Variants in FAM110B observed in about 807,000 individuals in gnomAD.
FAM110B encodes protein FAM110B.
Under a neutral mutation model 20.4 loss-of-function variants are expected in FAM110B, and 6 were observed. That is an observed-to-expected ratio of 0.29 (90% CI 0.16 to 0.58). The LOEUF (loss-of-function observed/expected upper bound fraction) is 0.58, where lower values mean the gene tolerates loss of function less well. Ranked by LOEUF, FAM110B falls within the 20% of genes least tolerant of loss-of-function variation. The pLI, the probability that FAM110B is intolerant of heterozygous loss-of-function variation, is 0.90. For missense variants in FAM110B, 434 were observed against 498.2 expected, an observed-to-expected ratio of 0.87 and a Z score of 1.23; for synonymous variants, 226 against 214.1, an observed-to-expected ratio of 1.06 and a Z score of -0.49.
At chr8:58,016,110 C>G (rs1437184443) in intron 1 of FAM110B, among the ~76,000 whole-genome samples, 1 of 152,132 alleles carries the variant, frequency 6.6e-6, no homozygotes, top group African/African-American at 2.4e-5. Context: ...TCTGATGTCT[C>G]TTTGGTGGAT....
chr8:58,073,370 A>C (rs1236392193), intron 2 of FAM110B, among the ~76,000 whole-genome samples: 1 of 152,172 alleles, frequency 6.6e-6, no homozygotes, highest in East Asian at 1.9e-4. Flanking sequence ...GAGAAGAGAG[A>C]TGGTACCCAA....
At chr8:58,040,600 A>G (rs1045692185) in intron 2 of FAM110B, among the ~76,000 whole-genome samples, 1 of 152,198 alleles carries the variant, frequency 6.6e-6, no homozygotes, top group East Asian at 1.9e-4. Flanking sequence ...ATGCATTCAC[A>G]TCTTAGGAAA....
In FAM110B at chr8:58,134,503, G is replaced by C. The variant is rs74863578; in HGVS notation, c.-324-11404G>C. Among the ~76,000 whole-genome samples the C allele has an allele frequency of 5.9e-3, 901 of 152,176 alleles. 7 individuals carry two copies. The highest frequency in any genetic ancestry group is 0.021 in the African/African-American group (859 of 41,514). Reference sequence around the variant, plus strand: ...CAAGATTTTATCTGACATTTTCATTGGGCCTTTACAATATGAAAGGGTGTG... The same window carrying C: ...CAAGATTTTATCTGACATTTTCATTCGGCCTTTACAATATGAAAGGGTGTG... On this transcript the variant is annotated intron_variant, in intron 3 of 3. Transcript: ENST00000519262.
intron 1 of FAM110B, among the ~76,000 whole-genome samples, chr8:57,999,777 A>C (rs991064353): frequency 9.2e-5 from 14 of 152,188 alleles, no homozygotes; most frequent in African/African-American, 2.9e-4. Flanking sequence ...TTAAGGCAGT[A>C]ATAAGTGCAG....
intron 3 of FAM110B, among the ~76,000 whole-genome samples, chr8:58,125,459 C>T (rs573716829): frequency 2.0e-5 from 3 of 152,284 alleles, no homozygotes; most frequent in East Asian, 1.9e-4. Flanking sequence ...AGACATGAAT[C>T]GTTTCATATG....
chr8:57,999,712 A>T (rs982164230), intron 1 of FAM110B, among the ~76,000 whole-genome samples: 2 of 152,186 alleles, frequency 1.3e-5, no homozygotes, highest in African/African-American at 4.8e-5. Context: ...TTGAGGCTTT[A>T]TTGTGTAAAG....
intron 3 of FAM110B, chr8:58,099,245 A>G (rs1383068372): frequency 6.6e-6 from 1 of 152,162 alleles, no homozygotes; most frequent in Non-Finnish European, 1.5e-5. Flanking sequence ...AGCATCCCCA[A>G]TCTGAAAATC....
chr8:58,133,052 G>T (rs1310419495), intron 3 of FAM110B, among the ~76,000 whole-genome samples: 12 of 152,080 alleles, frequency 7.9e-5, no homozygotes, highest in Admixed American at 7.9e-4. Flanking sequence ...TTATTTTAAT[G>T]TATATTGAAG....
At chr8:58,098,065 A>G (rs1387392928) in intron 3 of FAM110B, among the ~76,000 whole-genome samples, 1 of 152,334 alleles carries the variant, frequency 6.6e-6, no homozygotes, top group East Asian at 1.9e-4. Context: ...GCAGAGCTCA[A>G]GCTCTGTGCG....
chr8:58,051,522 C>G (rs1289081228), intron 2 of FAM110B, among the ~76,000 whole-genome samples: 1 of 152,074 alleles, frequency 6.6e-6, no homozygotes, highest in African/African-American at 2.4e-5. Flanking sequence ...AAGACAAAAT[C>G]AGGCTGCTTG....
chr8:58,022,089 T>C (rs1804767664), intron 1 of FAM110B, among the ~76,000 whole-genome samples: 1 of 152,190 alleles, frequency 6.6e-6, no homozygotes, highest in Admixed American at 6.6e-5. Context: ...AGTAGTGTAG[T>C]CAGGCTCTCA....
chr8:58,008,865 C>T (rs1804469159), intron 1 of FAM110B, among the ~76,000 whole-genome samples: 1 of 152,162 alleles, frequency 6.6e-6, no homozygotes, highest in Admixed American at 6.5e-5. Context: ...CTCACCAGAG[C>T]CCGAGTCCCC....
At position 58,147,153 on chromosome 8, in the gene FAM110B, T is replaced by G; in HGVS notation, c.923T>G (p.Phe308Cys). 1.2e-6 allele frequency: 2 copies of G among 1,614,060 alleles called. No individual in the cohort carries two copies. Among genetic ancestry groups the G allele is most frequent in the Non-Finnish European group, 1.7e-6 (2 of 1,180,024 alleles). Residue 308 changes from phenylalanine to cysteine, a missense_variant, in exon 4 of 4, where the codon TTC (phenylalanine) becomes TGC (cysteine). Coordinates refer to ENST00000519262, the MANE Select transcript of FAM110B (RefSeq NM_001377989.1). ...AATTCTGACATAATATCCCTCAACT[T>G]CCGCAGCGCAAGCATGATCAGCTCA... is the stretch of plus-strand genomic sequence containing the variant. ...RANSDIISLNFRSASMISSDC... is the reference protein window; with the variant it reads ...RANSDIISLNCRSASMISSDC...
chr8:58,115,023 T>C (rs1321729508), intron 3 of FAM110B, among the ~76,000 whole-genome samples: 1 of 147,334 alleles, frequency 6.8e-6, no homozygotes, highest in Admixed American at 6.7e-5. Context: ...TTTTTTTTTC[T>C]TAATTAGTAG....
intron 1 of FAM110B, among the ~76,000 whole-genome samples, chr8:58,024,657 T>C (rs186038694): frequency 1.3e-5 from 2 of 152,330 alleles, no homozygotes; most frequent in South Asian, 2.1e-4. Flanking sequence ...CAGCCAGCAT[T>C]GAGTGAGTGT....
chr8:58,074,055 C>G (rs1805969972), intron 2 of FAM110B, among the ~76,000 whole-genome samples: 1 of 152,144 alleles, frequency 6.6e-6, no homozygotes, highest in Non-Finnish European at 1.5e-5. Context: ...TCCACACTTA[C>G]TTTTTCAAAC....
intron 1 of FAM110B, among the ~76,000 whole-genome samples, chr8:58,015,523 G>A (rs1472224358): frequency 6.6e-6 from 1 of 151,980 alleles, no homozygotes; most frequent in Non-Finnish European, 1.5e-5. Flanking sequence ...AAGTAAAAGT[G>A]CCCTCAGTTA....
At chr8:58,127,917 A>G (rs188834764) in intron 3 of FAM110B, among the ~76,000 whole-genome samples, 2 of 152,300 alleles carry the variant, frequency 1.3e-5, no homozygotes, top group Admixed American at 6.5e-5. Flanking sequence ...CTCAAATTCC[A>G]TAAGGGGTTT....
rs146793997 is a variant in FAM110B at position 58,118,011 on chromosome 8, C to A, written c.-324-27896C>A. On this transcript the variant is annotated intron_variant, in intron 3 of 3. Coordinates refer to ENST00000519262, the MANE Select transcript of FAM110B (RefSeq NM_001377989.1). Reference sequence around the variant, plus strand: ...TGTCAAATCAGCTTCCAGAAAATATCGGAAAGATTCTAGAGTAACATCTTT... The same window carrying A: ...TGTCAAATCAGCTTCCAGAAAATATAGGAAAGATTCTAGAGTAACATCTTT... Among the ~76,000 whole-genome samples, 1,439 of 152,170 alleles carry A rather than the reference C, an allele frequency of 9.5e-3. 23 individuals are homozygous for A. The highest frequency in any genetic ancestry group is 0.032 in the African/African-American group (1,318 of 41,508).
Sources: gnomAD v4.1 joint callset for allele counts (sites outside exome capture counted in the v4.1 genomes callset) on GRCh38, gnomAD v4.1.1 for gene constraint, MANE v1.5 for transcripts, NCBI Gene and HGNC (gene_info 2026-07-23, HGNC 2026-07-21) for gene names.